The following MAD1L1 variants were observed in gnomAD, a reference collection of about 807,000 sequenced individuals.
MAD1L1 encodes mitotic arrest deficient 1 like 1.
In MAD1L1, 95 loss-of-function variants were observed where a neutral mutation model predicts 96.9. That is an observed-to-expected ratio of 0.98 (90% CI 0.83 to 1.16). MAD1L1 has a LOEUF of 1.16. MAD1L1 is among the 50% of genes most tolerant of loss of function. The pLI is 0.00. For missense variants in MAD1L1, 1,007 were observed against 954.4 expected, an observed-to-expected ratio of 1.06 and a Z score of -0.73; for synonymous variants, 473 against 396.6, an observed-to-expected ratio of 1.19 and a Z score of -2.29.
chr7:2,113,723 C>A (rs1787505256), intron 11 of MAD1L1, among the ~76,000 whole-genome samples: 1 of 152,226 alleles, frequency 6.6e-6, no homozygotes, highest in African/African-American at 2.4e-5. Flanking sequence ...CGCAACAGAA[C>A]ATGGTGATGT....
rs149046451 is a variant in MAD1L1 at position 1,992,828 on chromosome 7, C to CGGCAGG, written c.1416+9231_1416+9236dup. Among the ~76,000 whole-genome samples the CGGCAGG allele has an allele frequency of 5.3e-5, 8 of 151,474 alleles. No individual in the cohort carries two copies. The South Asian group carries it at 6.2e-4, about 12-fold the overall frequency. ...ATGGGCTCTACGTCAGGGAGGCAGGCGGCAGGGGCAGGGGCAGGGGCAGGT... is the reference window on the plus strand; with the variant it reads ...ATGGGCTCTACGTCAGGGAGGCAGGCGGCAGGGGCAGGGGCAGGGGCAGGGGCAGGT... On this transcript the variant is annotated intron_variant, in intron 14 of 18. Coordinates refer to ENST00000265854, the MANE Select transcript of MAD1L1 (RefSeq NM_001013836.2).
At chr7:1,917,580 C>T (rs1788491107) in intron 17 of MAD1L1, among the ~76,000 whole-genome samples, 1 of 152,240 alleles carries the variant, frequency 6.6e-6, no homozygotes, top group Admixed American at 6.5e-5. Context: ...GTGAAGAAAT[C>T]CCTAATTGGG....
chr7:2,157,560 G>C (rs959905076), intron 10 of MAD1L1, among the ~76,000 whole-genome samples: 11 of 152,264 alleles, frequency 7.2e-5, no homozygotes, highest in East Asian at 1.9e-4. Context: ...ACAGGGCAGA[G>C]GGTGTCTGAA....
chr7:2,085,786 C>G (rs900009144), intron 11 of MAD1L1, among the ~76,000 whole-genome samples: 1 of 152,162 alleles, frequency 6.6e-6, no homozygotes, highest in Non-Finnish European at 1.5e-5. Context: ...AACGATGACA[C>G]GAGTGTTCGT....
intron 17 of MAD1L1, among the ~76,000 whole-genome samples, chr7:1,907,201 GC>G (rs1341219592): frequency 1.3e-5 from 2 of 152,094 alleles, no homozygotes; most frequent in Admixed American, 1.3e-4. Flanking sequence ...CCACCGCCTT[GC>G]CCCTGTCCCA....
intron 10 of MAD1L1, among the ~76,000 whole-genome samples, chr7:2,179,885 C>T (rs970337573): frequency 6.6e-6 from 1 of 151,704 alleles, no homozygotes; most frequent in African/African-American, 2.4e-5. Context: ...GCAAGAGAAT[C>T]GCTTGAACCT....
At chr7:2,022,678 T>C (rs563067239) in intron 12 of MAD1L1, among the ~76,000 whole-genome samples, 6 of 151,456 alleles carry the variant, frequency 4.0e-5, no homozygotes, top group African/African-American at 1.2e-4. Context: ...AGTGTCCCAA[T>C]AGAAAAGAGT....
intron 10 of MAD1L1, among the ~76,000 whole-genome samples, chr7:2,207,534 G>T (rs1056275961): frequency 6.6e-6 from 1 of 152,202 alleles, no homozygotes; most frequent in Non-Finnish European, 1.5e-5. Flanking sequence ...AATAAGGCCA[G>T]GGTTCAGAGC....
At chr7:2,094,986 C>G (rs934739699) in intron 11 of MAD1L1, among the ~76,000 whole-genome samples, 2 of 152,078 alleles carry the variant, frequency 1.3e-5, no homozygotes, top group Non-Finnish European at 2.9e-5. Context: ...GAAACATGAG[C>G]AAAATGAAGT....
intron 5 of MAD1L1, 129 bp from the exon 6 acceptor site, chr7:2,219,585 G>T: frequency 1.1e-6 from 1 of 929,012 alleles, no homozygotes; most frequent in Non-Finnish European, 1.6e-6. Context: ...AGGAGGCAGA[G>T]GGGCAGAGGA....
At chr7:2,141,521 A>G (rs1789031016) in intron 11 of MAD1L1, among the ~76,000 whole-genome samples, 1 of 152,098 alleles carries the variant, frequency 6.6e-6, no homozygotes, top group South Asian at 2.1e-4. Context: ...CCGGGACTTC[A>G]CTAGCCCTGA....
At chr7:1,993,705 T>G (rs1281744027) in intron 14 of MAD1L1, among the ~76,000 whole-genome samples, 1 of 152,236 alleles carries the variant, frequency 6.6e-6, no homozygotes, top group Admixed American at 6.5e-5. Flanking sequence ...CAGATGATCC[T>G]TACAAGGTAA....
At position 2,103,408 on chromosome 7, in the gene MAD1L1, T is replaced by C. The variant is rs547859282; in HGVS notation, c.1074-34070A>G. Among the ~76,000 whole-genome samples, 5 of 152,238 alleles carry C rather than the reference T, an allele frequency of 3.3e-5. No individual in the cohort carries two copies. The East Asian group carries it at 9.7e-4, about 29-fold the overall frequency. On this transcript the variant is annotated intron_variant, in intron 11 of 18. Coordinates refer to ENST00000265854, the MANE Select transcript of MAD1L1 (RefSeq NM_001013836.2). The surrounding 1 kb of genome is among the most constrained non-coding windows in gnomAD (Gnocchi z 4.3). ...TCGCCATGCCTAGTGATGACGTTTCTGTTTGGAAGAAGTGGGTGAGCACCT... is the reference window on the plus strand; with the variant it reads ...TCGCCATGCCTAGTGATGACGTTTCCGTTTGGAAGAAGTGGGTGAGCACCT...
chr7:1,928,745 G>A (rs933914119), intron 17 of MAD1L1, among the ~76,000 whole-genome samples: 9 of 152,226 alleles, frequency 5.9e-5, no homozygotes, highest in Non-Finnish European at 1.3e-4. Flanking sequence ...CAGGTGGCAC[G>A]GGGTGGGGGC....
intron 9 of MAD1L1, among the ~76,000 whole-genome samples, chr7:2,214,360 GAA>G (rs1300277285): frequency 6.6e-6 from 1 of 152,236 alleles, no homozygotes; most frequent in Non-Finnish European, 1.5e-5. Flanking sequence ...GCACCTGAGA[GAA>G]GAGTCCCTGC....
intron 11 of MAD1L1, among the ~76,000 whole-genome samples, chr7:2,139,945 C>G (rs764139243): frequency 1.2e-4 from 19 of 152,038 alleles, no homozygotes. Flanking sequence ...TCTTTCCCCC[C>G]ACAGGCCTCA....
At chr7:2,197,783 C>G (rs1007344394) in intron 10 of MAD1L1, among the ~76,000 whole-genome samples, 1 of 152,240 alleles carries the variant, frequency 6.6e-6, no homozygotes, top group African/African-American at 2.4e-5. Flanking sequence ...GGCCTGACAT[C>G]GGCTGCTGTC....
At chr7:2,162,008 C>T (rs1044058732) in intron 10 of MAD1L1, among the ~76,000 whole-genome samples, 1 of 132,806 alleles carries the variant, frequency 7.5e-6, no homozygotes, top group Non-Finnish European at 1.6e-5. Context: ...AGGTGGGGGG[C>T]GGCCCCTGCC....
intron 18 of MAD1L1, chr7:1,845,419 CGGACTCTGGTTCACGGG>C (rs1783545348): frequency 6.6e-6 from 1 of 152,152 alleles, no homozygotes; most frequent in African/African-American, 2.4e-5. Context: ...AGACACGCGT[CGGACTCTGGTTCACGGG>C]GAAGAGCGCT....
Sources: allele counts gnomAD v4.1 joint callset (sites outside exome capture counted in the v4.1 genomes callset), GRCh38; gene constraint gnomAD v4.1.1; non-coding constraint Gnocchi (gnomAD v3.1); transcripts MANE v1.5; gene names NCBI Gene and HGNC (gene_info 2026-07-23, HGNC 2026-07-21).